PAPSS1: variants seen among roughly 807,000 people sequenced by gnomAD.
The protein encoded by PAPSS1 is 3'-phosphoadenosine 5'-phosphosulfate synthase 1.
A neutral mutation model predicts 72.0 loss-of-function variants in PAPSS1; 50 were observed. That is an observed-to-expected ratio of 0.69 (90% CI 0.55 to 0.88). PAPSS1 has a LOEUF of 0.88. Ranked by LOEUF, PAPSS1 falls within the 40% of genes least tolerant of loss-of-function variation. The pLI, the probability that PAPSS1 is intolerant of heterozygous loss-of-function variation, is 0.00. For missense variants in PAPSS1, 657 were observed against 782.2 expected, an observed-to-expected ratio of 0.84 and a Z score of 1.91; for synonymous variants, 261 against 263.6, an observed-to-expected ratio of 0.99 and a Z score of 0.09.
At chr4:107,615,631 A>T (rs989939614) in intron 11 of PAPSS1, among the ~76,000 whole-genome samples, 1 of 152,206 alleles carries the variant, frequency 6.6e-6, no homozygotes, top group African/African-American at 2.4e-5. Flanking sequence ...AATAAGTTAC[A>T]GTATAGTCCT....
intron 6 of PAPSS1, among the ~76,000 whole-genome samples, chr4:107,657,312 TTTCAAA>T (rs767057272): frequency 1.4e-4 from 21 of 152,230 alleles, no homozygotes; most frequent in South Asian, 6.2e-4. Context: ...ATCTGCAGAG[TTTCAAA>T]TTCAGTCAGT....
Position 107,618,502 on chromosome 4 carries a change from G to A in PAPSS1, c.1737-4115C>T, listed in dbSNP as rs371003143. Among the ~76,000 whole-genome samples the A allele has an allele frequency of 2.2e-4, 34 of 151,924 alleles. No individual in the cohort carries two copies. The East Asian group carries it at 6.6e-3, about 29-fold the overall frequency. On this transcript the variant is annotated intron_variant, in intron 11 of 11. Transcript: ENST00000265174. Reference sequence around the variant, plus strand: ...GAAGAAACAAGAGAAACATAAGATGGAGAAGGAAGCCCAGGATGAAGACAC... The same window carrying A: ...GAAGAAACAAGAGAAACATAAGATGAAGAAGGAAGCCCAGGATGAAGACAC...
intron 1 of PAPSS1, among the ~76,000 whole-genome samples, chr4:107,718,763 C>T (rs1723699147): frequency 6.6e-6 from 1 of 152,178 alleles, no homozygotes; most frequent in African/African-American, 2.4e-5. Context: ...TGTAAATACC[C>T]CAAGTAAGCC....
intron 5 of PAPSS1, among the ~76,000 whole-genome samples, chr4:107,671,947 C>A (rs1171250444): frequency 6.6e-6 from 1 of 152,090 alleles, no homozygotes; most frequent in Non-Finnish European, 1.5e-5. Context: ...AGAGGGCCAA[C>A]TTTCTAACGC....
intron 1 of PAPSS1, 50 bp from the exon 2 acceptor site, chr4:107,701,335 G>T: frequency 8.8e-7 from 1 of 1,131,954 alleles, no homozygotes. Context: ...TCCTTTAAAA[G>T]GCAAACACAT....
At chr4:107,649,448 T>C (rs1293570644) in intron 9 of PAPSS1, among the ~76,000 whole-genome samples, 3 of 152,204 alleles carry the variant, frequency 2.0e-5, no homozygotes, top group Non-Finnish European at 4.4e-5. Flanking sequence ...TCCTTGTAGG[T>C]TCCCTTAACT....
intron 3 of PAPSS1, among the ~76,000 whole-genome samples, chr4:107,689,861 C>G (rs4956025): frequency 0.79 from 120,422 of 152,070 alleles, 50,927 homozygotes; most frequent in South Asian, 0.95. Flanking sequence ...CATGTCCTCC[C>G]CTCCTATCCT....
At chr4:107,681,993 T>A in intron 5 of PAPSS1, 22 bp downstream of exon 5, 1 of 1,174,778 alleles carries the variant, frequency 8.5e-7, no homozygotes, top group Non-Finnish European at 1.2e-6. Context: ...CTCTGATGAT[T>A]CCTTCTTTCA....
At chr4:107,630,744 T>C (rs1726206706) in intron 11 of PAPSS1, among the ~76,000 whole-genome samples, 1 of 152,178 alleles carries the variant, frequency 6.6e-6, no homozygotes, top group Non-Finnish European at 1.5e-5. Flanking sequence ...ACTGCCTGGG[T>C]TCATCTGCTG....
chr4:107,689,975 G>A (rs767856883), intron 3 of PAPSS1, among the ~76,000 whole-genome samples: 2 of 152,098 alleles, frequency 1.3e-5, no homozygotes, highest in Non-Finnish European at 2.9e-5. Flanking sequence ...TCTTACTGAT[G>A]CTACTCAAGC....
At chr4:107,651,565 G>A (rs1726840491) in intron 9 of PAPSS1, among the ~76,000 whole-genome samples, 1 of 152,152 alleles carries the variant, frequency 6.6e-6, no homozygotes, top group Non-Finnish European at 1.5e-5. Context: ...AAGGGGAAGT[G>A]AACACATCCT....
intron 11 of PAPSS1, among the ~76,000 whole-genome samples, chr4:107,624,149 T>C (rs1578380781): frequency 6.6e-6 from 1 of 152,190 alleles, no homozygotes; most frequent in African/African-American, 2.4e-5. Context: ...CTATGATCCT[T>C]CTCACCCAAG....
chr4:107,681,952 G>T, intron 5 of PAPSS1, 63 bp downstream of exon 5: 1 of 799,352 alleles, frequency 1.3e-6, no homozygotes, highest in South Asian at 1.6e-5. Flanking sequence ...TTTTTTTGGA[G>T]GGGAAAGATT....
intron 4 of PAPSS1, among the ~76,000 whole-genome samples, chr4:107,683,433 T>G (rs930635263): frequency 2.6e-5 from 4 of 152,146 alleles, no homozygotes; most frequent in African/African-American, 9.7e-5. Context: ...GGTGATATAC[T>G]GGAATCACCA....
At chr4:107,644,748 G>A (rs1378293503) in intron 10 of PAPSS1, 54 bp downstream of exon 10, 1 of 1,526,210 alleles carries the variant, frequency 6.6e-7, no homozygotes, top group Non-Finnish European at 8.8e-7. Context: ...CACTAGCTGT[G>A]TTAGTAAGAG....
chr4:107,672,251 G>C (rs1727501092), intron 5 of PAPSS1, among the ~76,000 whole-genome samples: 1 of 152,206 alleles, frequency 6.6e-6, no homozygotes, highest in African/African-American at 2.4e-5. Flanking sequence ...CCAAGCATGA[G>C]ATGAAGCAGG....
Position 107,656,990 on chromosome 4 carries a change from C to A in PAPSS1, c.801G>T (p.Val267=). 6.2e-7 allele frequency: 1 copy of A among 1,613,228 alleles called. No homozygotes were observed. The highest frequency in any genetic ancestry group is 8.5e-7 in the Non-Finnish European group (1 of 1,179,190). Residue 267 remains valine, a synonymous_variant, in exon 7 of 12, where the codon GTG becomes GTT. Transcript: ENST00000265174. ...TTGCCCAACCTTCTGCCAAAACCTG[C>A]ACCCACTGCATATCCACCTAGTAAA... ...LKINKVDMQW[V]QVLAEGWATP...
At chr4:107,644,322 A>C (rs753234294) in intron 10 of PAPSS1, among the ~76,000 whole-genome samples, 29 of 152,242 alleles carry the variant, frequency 1.9e-4, no homozygotes, top group Non-Finnish European at 3.4e-4. Flanking sequence ...CTCTCATTCC[A>C]GAGGTGCCCT....
chr4:107,665,309 T>C (rs1727287384), intron 5 of PAPSS1, among the ~76,000 whole-genome samples: 1 of 152,176 alleles, frequency 6.6e-6, no homozygotes, highest in Non-Finnish European at 1.5e-5. Flanking sequence ...ACTAAACATC[T>C]GAAAGGAGCA....
Sources: allele counts gnomAD v4.1 joint callset (sites outside exome capture counted in the v4.1 genomes callset), GRCh38; gene constraint gnomAD v4.1.1; transcripts MANE v1.5; gene names NCBI Gene and HGNC (gene_info 2026-07-23, HGNC 2026-07-21).